CLIP2: variants seen among roughly 807,000 people sequenced by gnomAD.
CLIP2 encodes the protein CAP-Gly domain-containing linker protein 2.
CLIP2 carries 41 observed loss-of-function variants against 111.7 expected under a neutral mutation model. The ratio of observed to expected loss-of-function variants is 0.37; its 90% CI spans 0.29 to 0.48. The LOEUF (loss-of-function observed/expected upper bound fraction) is 0.48, where lower values mean the gene tolerates loss of function less well. Ranked by LOEUF, CLIP2 falls within the 20% of genes least tolerant of loss-of-function variation. CLIP2 has a pLI of 0.99. For missense variants in CLIP2, 1,160 were observed against 1,422.1 expected, an observed-to-expected ratio of 0.82 and a Z score of 2.96; for synonymous variants, 660 against 644.2, an observed-to-expected ratio of 1.02 and a Z score of -0.37.
intron 3 of CLIP2, among the ~76,000 whole-genome samples, chr7:74,345,964 C>T (rs1789786936): frequency 6.6e-6 from 1 of 152,064 alleles, no homozygotes; most frequent in African/African-American, 2.4e-5. Context: ...ACTAGAACAA[C>T]ACTGAAGAGA....
At chr7:74,361,298 A>C (rs1403537049) in intron 7 of CLIP2, among the ~76,000 whole-genome samples, 2 of 147,772 alleles carry the variant, frequency 1.4e-5, no homozygotes, top group Admixed American at 1.4e-4. Context: ...GCTCACTGCA[A>C]TCTCCACCTC....
intron 3 of CLIP2, among the ~76,000 whole-genome samples, chr7:74,349,500 A>G (rs1410128558): frequency 7.4e-6 from 1 of 135,126 alleles, no homozygotes; most frequent in Non-Finnish European, 1.6e-5. Flanking sequence ...ATATATATAT[A>G]TATATATATA....
rs781840482 is a variant in CLIP2, at chr7:74,376,601, G to A, written c.2200G>A (p.Glu734Lys). The change falls in exon 10 of 17, where the codon GAG becomes AAG. Residue 734 changes from glutamate to lysine, a missense_variant. By Grantham distance (56) the Glu-to-Lys change is moderately conservative. Coordinates refer to ENST00000223398, the MANE Select transcript of CLIP2 (RefSeq NM_003388.5). This position sits in a 1 kb window ranked among gnomAD's most constrained non-coding sequence, Gnocchi z 7.1. ...CCGGGATGCCGAGCTGCGTGTGCAC[G>A]AGCTGGAAAAACTGGACGTGGAGTA... ...QRRDAELRVH[E>K]LEKLDVEYRG... 1.9e-5 allele frequency: 31 copies of A among 1,612,878 alleles called. No individual in the cohort carries two copies. Among genetic ancestry groups the A allele is most frequent in the Non-Finnish European group, 2.6e-5 (31 of 1,179,760 alleles).
chr7:74,297,790 G>A (rs145607443), intron 1 of CLIP2, among the ~76,000 whole-genome samples: 1 of 152,060 alleles, frequency 6.6e-6, no homozygotes, highest in South Asian at 2.1e-4. Context: ...ATGGGAGGAG[G>A]ACGAGAGTAG....
intron 14 of CLIP2, among the ~76,000 whole-genome samples, chr7:74,398,315 C>T (rs1166081896): frequency 1.3e-5 from 2 of 151,780 alleles, no homozygotes; most frequent in Non-Finnish European, 2.9e-5. Context: ...GCTGAGATTG[C>T]GCCACTGCAC....
At chr7:74,319,610 G>T (rs868962462) in intron 2 of CLIP2, among the ~76,000 whole-genome samples, 15 of 152,074 alleles carry the variant, frequency 9.9e-5, no homozygotes, top group South Asian at 2.1e-4. Context: ...TTGAGCCTAG[G>T]AGTTCCAGAC....
At chr7:74,372,610 C>T (rs1437774562) in intron 8 of CLIP2, among the ~76,000 whole-genome samples, 4 of 151,888 alleles carry the variant, frequency 2.6e-5, no homozygotes, top group Non-Finnish European at 5.9e-5. Flanking sequence ...GACAGAAAAG[C>T]GAGGTGCCCA....
chr7:74,319,606 C>T lies in CLIP2; in HGVS notation c.121+1939C>T, dbSNP rs150044779. ...GCTGAGGCCAGAGGATCACTTGAGC[C>T]TAGGAGTTCCAGACCAGCCTGGGGA... On this transcript the variant is annotated intron_variant, in intron 2 of 16. Coordinates refer to ENST00000223398, the MANE Select transcript of CLIP2 (RefSeq NM_003388.5). 1.9e-3 allele frequency among the ~76,000 whole-genome samples: 293 copies of T among 150,566 alleles called. 1 individual carries two copies. Among genetic ancestry groups the T allele is most frequent in the African/African-American group, 3.9e-3 (158 of 40,960 alleles).
chr7:74,321,629 A>C (rs1221829133), intron 2 of CLIP2, among the ~76,000 whole-genome samples: 15 of 151,722 alleles, frequency 9.9e-5, no homozygotes, highest in Non-Finnish European at 2.1e-4. Context: ...CCACCACGCC[A>C]GGCTAATTTT....
chr7:74,306,600 G>A (rs782475183), intron 1 of CLIP2, among the ~76,000 whole-genome samples: 3 of 152,166 alleles, frequency 2.0e-5, no homozygotes, highest in Admixed American at 2.0e-4. Context: ...GCCACCCCCG[G>A]GCAGCTGAAA....
At chr7:74,382,518 T>A (rs1554314116) in intron 11 of CLIP2, among the ~76,000 whole-genome samples, 1 of 149,826 alleles carries the variant, frequency 6.7e-6, no homozygotes, top group East Asian at 1.9e-4. Context: ...TTCACTATGT[T>A]GGCCAGGCTG....
chr7:74,389,886 C>A (rs1220790955), intron 13 of CLIP2, among the ~76,000 whole-genome samples: 2 of 149,662 alleles, frequency 1.3e-5, no homozygotes, highest in Admixed American at 1.4e-4. Flanking sequence ...GTGACCAGAG[C>A]AAGACTCCAT....
At chr7:74,323,805 A>G (rs369939840) in intron 2 of CLIP2, among the ~76,000 whole-genome samples, 1 of 152,192 alleles carries the variant, frequency 6.6e-6, no homozygotes. Context: ...GTACTGTAAC[A>G]TGCTAAATAG....
At chr7:74,363,676 G>A (rs1790396892) in intron 7 of CLIP2, among the ~76,000 whole-genome samples, 1 of 152,270 alleles carries the variant, frequency 6.6e-6, no homozygotes, top group South Asian at 2.1e-4. Context: ...CTTGAGGCCA[G>A]GAGTTCGAGA....
intron 3 of CLIP2, among the ~76,000 whole-genome samples, chr7:74,341,802 G>A (rs1300615441): frequency 6.6e-6 from 1 of 152,078 alleles, no homozygotes; most frequent in African/African-American, 2.4e-5. Flanking sequence ...CTTCCCCTGG[G>A]TGACCTGGTG....
intron 1 of CLIP2, among the ~76,000 whole-genome samples, chr7:74,298,881 C>T (rs927258340): frequency 6.6e-6 from 1 of 152,072 alleles, no homozygotes; most frequent in Non-Finnish European, 1.5e-5. Context: ...AAGTTGCGCC[C>T]AGTGAGAGGA....
intron 1 of CLIP2, among the ~76,000 whole-genome samples, chr7:74,301,592 A>G (rs1481276464): frequency 6.8e-6 from 1 of 148,144 alleles, no homozygotes; most frequent in African/African-American, 2.5e-5. Context: ...GGGTTTCACC[A>G]TGTTGGCCAG....
intron 7 of CLIP2, among the ~76,000 whole-genome samples, chr7:74,363,229 C>T (rs1180880110): frequency 4.0e-5 from 6 of 151,874 alleles, no homozygotes; most frequent in East Asian, 1.9e-4. Context: ...CTCAAACTCC[C>T]GACCTCAGGT....
In CLIP2 at chr7:74,336,890, G is replaced by T. The variant is rs1228279814; in HGVS notation, c.122-1558G>T. ...TTTTTTTTTTGTTTTTTTTTGTTTT[G>T]TTTTTTTTTTTTTGAGACAGAGTCT... On this transcript the variant is annotated intron_variant, in intron 2 of 16. Coordinates refer to ENST00000223398, the MANE Select transcript of CLIP2 (RefSeq NM_003388.5). Among the ~76,000 whole-genome samples, 629 of 120,856 alleles carry T rather than the reference G, an allele frequency of 5.2e-3. 1 individual carries two copies. Among genetic ancestry groups the T allele is most frequent in the African/African-American group, 7.1e-3 (196 of 27,610 alleles). 79.3% of individuals were successfully genotyped at this position (120,856 alleles called of 152,430 possible). A position where few individuals can be genotyped will look rare whatever the true frequency, so the allele number is the denominator to read the frequency against.
Sources: gnomAD v4.1 joint callset for allele counts (sites outside exome capture counted in the v4.1 genomes callset) on GRCh38, gnomAD v4.1.1 for gene constraint, Gnocchi (gnomAD v3.1) non-coding constraint, MANE v1.5 for transcripts, NCBI Gene and HGNC (gene_info 2026-07-23, HGNC 2026-07-21) for gene names.